The following ABLIM3 variants were observed in gnomAD, a reference collection of about 807,000 sequenced individuals.
ABLIM3 encodes actin-binding LIM protein 3.
Under a neutral mutation model 109.5 loss-of-function variants are expected in ABLIM3, and 61 were observed. That is an observed-to-expected ratio of 0.56 (90% CI 0.45 to 0.69). The LOEUF is 0.69. ABLIM3 is among the 30% of genes least tolerant of loss of function. ABLIM3 has a pLI of 0.00. For synonymous variants in ABLIM3, 300 were observed against 324.8 expected (o/e 0.92, Z 0.82); for missense variants, 796 against 889.5 (o/e 0.89, Z 1.34).
intron 9 of ABLIM3, among the ~76,000 whole-genome samples, chr5:149,232,585 C>G (rs1379562377): frequency 6.6e-6 from 1 of 152,288 alleles, no homozygotes; most frequent in Non-Finnish European, 1.5e-5. Flanking sequence ...TGAAGCTCAG[C>G]CTCTTCATTT....
chr5:149,186,211 T>G (rs937079347), intron 3 of ABLIM3, among the ~76,000 whole-genome samples: 10 of 151,994 alleles, frequency 6.6e-5, no homozygotes, highest in African/African-American at 2.4e-4. Flanking sequence ...GTCAGGAGTT[T>G]GAGACCAGCC....
chr5:149,207,351 C>T (rs187295099), intron 6 of ABLIM3, among the ~76,000 whole-genome samples: 53 of 152,214 alleles, frequency 3.5e-4, no homozygotes, highest in South Asian at 2.1e-3. Context: ...GTTCCTTGCA[C>T]GCCTGCTGCC....
At chr5:149,223,425 G>A (rs1438963826) in intron 8 of ABLIM3, among the ~76,000 whole-genome samples, 1 of 152,188 alleles carries the variant, frequency 6.6e-6, no homozygotes, top group Non-Finnish European at 1.5e-5. Flanking sequence ...CAGATATTCA[G>A]GTTTTAGCTC....
chr5:149,146,672 A>G (rs1481873384), intron 2 of ABLIM3, among the ~76,000 whole-genome samples: 1 of 152,118 alleles, frequency 6.6e-6, no homozygotes, highest in Non-Finnish European at 1.5e-5. Context: ...CCATTGGTCT[A>G]TATGTCTGTT....
intron 3 of ABLIM3, among the ~76,000 whole-genome samples, chr5:149,195,863 C>G (rs1365011943): frequency 2.0e-5 from 3 of 152,236 alleles, no homozygotes; most frequent in Non-Finnish European, 2.9e-5. Flanking sequence ...ACACTCCTGC[C>G]TCTTCGTAGG....
chr5:149,181,931 C>T (rs560370458), intron 2 of ABLIM3, among the ~76,000 whole-genome samples: 2 of 152,298 alleles, frequency 1.3e-5, no homozygotes, highest in East Asian at 3.9e-4. Context: ...ATCCTGCACA[C>T]CATCTGGGGT....
chr5:149,205,148 A>T (rs1432450087), intron 5 of ABLIM3, among the ~76,000 whole-genome samples: 1 of 152,228 alleles, frequency 6.6e-6, no homozygotes, highest in East Asian at 1.9e-4. Context: ...GAACTGTCGT[A>T]TGGGAAAAGA....
intron 8 of ABLIM3, among the ~76,000 whole-genome samples, chr5:149,221,110 C>A (rs1458291608): frequency 6.6e-6 from 1 of 152,156 alleles, no homozygotes; most frequent in African/African-American, 2.4e-5. Context: ...AAGCCAAGAC[C>A]TTGAAAATGA....
intron 23 of ABLIM3, 88 bp from the exon 24 acceptor site, chr5:149,258,203 C>A: frequency 8.3e-7 from 1 of 1,199,580 alleles, no homozygotes; most frequent in Non-Finnish European, 1.2e-6. Flanking sequence ...GCAGCACCCA[C>A]TGCTGCCTCC....
intron 4 of ABLIM3, among the ~76,000 whole-genome samples, chr5:149,199,917 T>C (rs1455619601): frequency 6.6e-6 from 1 of 152,216 alleles, no homozygotes; most frequent in Non-Finnish European, 1.5e-5. Context: ...GAAAAATGCC[T>C]GAGTAGTAAA....
At chr5:149,158,330 A>T (rs929248656) in intron 2 of ABLIM3, among the ~76,000 whole-genome samples, 1 of 152,214 alleles carries the variant, frequency 6.6e-6, no homozygotes, top group Middle Eastern at 3.2e-3. Flanking sequence ...CAAATGCATA[A>T]TGCCTGTCAA....
intron 15 of ABLIM3, among the ~76,000 whole-genome samples, chr5:149,242,796 A>G (rs1371594857): frequency 2.0e-5 from 3 of 152,188 alleles, no homozygotes; most frequent in Non-Finnish European, 4.4e-5. Flanking sequence ...CTGTCATCCT[A>G]AGTTCCATAA....
At position 149,210,663 on chromosome 5, in the gene ABLIM3, T is replaced by C. The variant is rs189365941; in HGVS notation, c.576-63T>C. On this transcript the variant is annotated intron_variant, in intron 6 of 23. Transcript: ENST00000309868. The stretch of plus-strand genomic sequence containing the variant: ...ATAGGCTGCAGGTCCAGAATCTAAA[T>C]GCCATGTGCACCCTCACTGATCCTC... 7.7e-5 allele frequency: 109 copies of C among 1,422,698 alleles called. No individual in the cohort carries two copies. In the East Asian group the frequency reaches 2.3e-3, roughly 30 times the overall value. 88.1% of individuals were successfully genotyped at this position (1,422,698 alleles called of 1,614,324 possible). A position where few individuals can be genotyped will look rare whatever the true frequency, so the allele number is the denominator to read the frequency against.
At chr5:149,200,769 T>G in intron 5 of ABLIM3, 1 of 299,510 alleles carries the variant, frequency 3.3e-6, no homozygotes, top group Non-Finnish European at 6.4e-6. Context: ...GGCTCTGAAT[T>G]TTTACCAACT....
chr5:149,256,108 G>A (rs1302157195), intron 23 of ABLIM3, among the ~76,000 whole-genome samples: 1 of 152,214 alleles, frequency 6.6e-6, no homozygotes, highest in Non-Finnish European at 1.5e-5. Flanking sequence ...GGCATTAGGG[G>A]CCTTGAGAAC....
chr5:149,191,449 T>A (rs984238983), intron 3 of ABLIM3, among the ~76,000 whole-genome samples: 1 of 152,164 alleles, frequency 6.6e-6, no homozygotes, highest in African/African-American at 2.4e-5. Context: ...AAAACTCTTC[T>A]ACGAAAGAAA....
intron 2 of ABLIM3, among the ~76,000 whole-genome samples, chr5:149,168,436 G>A (rs941973019): frequency 2.6e-5 from 4 of 152,164 alleles, no homozygotes; most frequent in South Asian, 2.1e-4. Flanking sequence ...GACAGGGCTC[G>A]GAAGACACGA....
intron 2 of ABLIM3, among the ~76,000 whole-genome samples, chr5:149,156,484 C>T (rs1753874996): frequency 6.6e-6 from 1 of 152,098 alleles, no homozygotes; most frequent in Non-Finnish European, 1.5e-5. Context: ...TTGGGAAAAC[C>T]CCTTTTAAAG....
chr5:149,172,920 G>T (rs370259823), intron 2 of ABLIM3, among the ~76,000 whole-genome samples: 8 of 152,250 alleles, frequency 5.3e-5, no homozygotes, highest in African/African-American at 1.9e-4. Context: ...TGGAGAAGGG[G>T]AGTGTCCTCC....
Sources: gnomAD v4.1 joint callset for allele counts (sites outside exome capture counted in the v4.1 genomes callset) on GRCh38, gnomAD v4.1.1 for gene constraint, MANE v1.5 for transcripts, NCBI Gene and HGNC (gene_info 2026-07-23, HGNC 2026-07-21) for gene names.